Variants in CUX1 observed in about 807,000 individuals in gnomAD.
CUX1 encodes the protein protein CASP.
Under a neutral mutation model 158.8 loss-of-function variants are expected in CUX1, and 31 were observed. That is an observed-to-expected ratio of 0.20 (90% CI 0.15 to 0.26). The LOEUF (loss-of-function observed/expected upper bound fraction) is 0.26. CUX1 is among the 10% of genes least tolerant of loss of function. CUX1 has a pLI of 1.00. For missense variants in CUX1, 1,589 were observed against 2,014.6 expected (o/e 0.79, Z 4.04); for synonymous variants, 879 against 862.1 (o/e 1.02, Z -0.34).
At chr7:101,855,917 C>A (rs1796750661) in intron 1 of CUX1, among the ~76,000 whole-genome samples, 1 of 142,780 alleles carries the variant, frequency 7.0e-6, no homozygotes, top group Admixed American at 7.1e-5. Flanking sequence ...GCTGGTTTAG[C>A]GCCTGTAATC....
At chr7:102,059,962 C>A (rs886125126) in intron 3 of CUX1, among the ~76,000 whole-genome samples, 4 of 151,984 alleles carry the variant, frequency 2.6e-5, no homozygotes, top group Non-Finnish European at 5.9e-5. Context: ...TTGAATATGC[C>A]GTCTTCACTG....
chr7:102,222,958 C>T (rs188139393), intron 20 of CUX1, among the ~76,000 whole-genome samples: 28 of 150,970 alleles, frequency 1.9e-4, no homozygotes, highest in African/African-American at 6.3e-4. Flanking sequence ...TAGCTGGGCA[C>T]GCGCCTGGCT....
At chr7:101,834,165 CTTTTTTTTTTT>C (rs575992276) in intron 1 of CUX1, among the ~76,000 whole-genome samples, 13 of 71,092 alleles carry the variant, frequency 1.8e-4, no homozygotes, top group African/African-American at 4.0e-4. Flanking sequence ...CTGATTGTTT[CTTTTTTTTTTT>C]TTTTTTTTTT....
intron 1 of CUX1, among the ~76,000 whole-genome samples, chr7:101,905,833 G>A (rs1372775420): frequency 1.3e-5 from 2 of 152,064 alleles, no homozygotes; most frequent in African/African-American, 2.4e-5. Flanking sequence ...GCTTCTCCAC[G>A]TGCCCAGTAT....
upstream of CUX1, chr7:101,816,827 G>A (rs1208120452): frequency 2.8e-6 from 2 of 721,372 alleles, no homozygotes; most frequent in Non-Finnish European, 3.4e-6. Context: ...GCCCGCGCTC[G>A]CTACCCCCGG....
intron 1 of CUX1, among the ~76,000 whole-genome samples, chr7:101,900,339 C>T (rs1458110735): frequency 6.6e-6 from 1 of 152,214 alleles, no homozygotes; most frequent in East Asian, 1.9e-4. Context: ...CAGGAGGCAG[C>T]GAAGGAATCA....
At chr7:102,258,358 C>T (rs529655484), downstream of CUX1, 18 of 190,094 alleles carry the variant, frequency 9.5e-5, no homozygotes, top group African/African-American at 4.0e-4. Context: ...TGCACCTGTC[C>T]GCAGGTCCTC....
At chr7:102,190,525 G>A (rs1446799165) in intron 12 of CUX1, among the ~76,000 whole-genome samples, 1 of 152,106 alleles carries the variant, frequency 6.6e-6, no homozygotes, top group Non-Finnish European at 1.5e-5. Flanking sequence ...TGCAAGCCTG[G>A]AGCCTGTGGT....
intron 2 of CUX1, among the ~76,000 whole-genome samples, chr7:102,023,492 CAG>C (rs770073160): frequency 1.3e-5 from 2 of 152,156 alleles, no homozygotes; most frequent in Non-Finnish European, 2.9e-5. Context: ...TTTTTTGAGA[CAG>C]AGTCTCTCTC....
chr7:101,884,330 T>C (rs1235711070), intron 1 of CUX1, among the ~76,000 whole-genome samples: 3 of 152,236 alleles, frequency 2.0e-5, no homozygotes, highest in Admixed American at 6.5e-5. Flanking sequence ...TACAGTCTTA[T>C]TGATAATGTT....
intron 2 of CUX1, among the ~76,000 whole-genome samples, chr7:102,023,433 G>C (rs1009047307): frequency 1.3e-5 from 2 of 152,188 alleles, no homozygotes; most frequent in Admixed American, 1.3e-4. Context: ...ATCGTATCAT[G>C]TCCTTGCTAA....
rs144583077 is a variant in CUX1 at position 102,276,587 on chromosome 7, C to T, written c.1563+1228C>T. The stretch of plus-strand genomic sequence containing the variant: ...AAAGTGCTGGGATTACAGGCGTGAG[C>T]CACCGCGCTGGCCACTGCTTGAATT... On this transcript the variant is annotated intron_variant, in intron 17 of 22. Coordinates refer to the CUX1 transcript ENST00000292538. Among the ~76,000 whole-genome samples the T allele has an allele frequency of 1.2e-3, 187 of 152,340 alleles. 1 individual carries two copies. Among genetic ancestry groups the T allele is most frequent in the African/African-American group, 4.2e-3 (173 of 41,586 alleles).
chr7:102,153,074 G>A (rs1012847834), intron 8 of CUX1, among the ~76,000 whole-genome samples: 3 of 152,250 alleles, frequency 2.0e-5, no homozygotes, highest in Non-Finnish European at 4.4e-5. Context: ...GCGTCAGTGG[G>A]ACTGATTTTT....
intron 2 of CUX1, among the ~76,000 whole-genome samples, chr7:101,938,711 G>T (rs1406329666): frequency 1.3e-5 from 2 of 151,888 alleles, no homozygotes; most frequent in East Asian, 3.9e-4. Flanking sequence ...TTCGAGACCA[G>T]CCTGGCCAAC....
At position 102,258,035 on chromosome 7, in the gene CUX1, G is replaced by A; in HGVS notation, c.*8993G>A. On this transcript the variant is annotated 3_prime_UTR_variant, in exon 24 of 24. Coordinates refer to ENST00000292535, the MANE Select transcript of CUX1 (RefSeq NM_181552.4). ...CAAAGTTGACCTGGCTGGCGTGGGG[G>A]TGGGGGAGGCACCCGTCGGCCCCTT... The A allele has an allele frequency of 1.0e-6, 1 of 985,116 alleles. No homozygotes were observed. The highest frequency in any genetic ancestry group is 4.7e-5 in the South Asian group (1 of 21,276). 61.0% of individuals were successfully genotyped at this position (985,116 alleles called of 1,614,324 possible). A position where few individuals can be genotyped will look rare whatever the true frequency, so the allele number is the denominator to read the frequency against.
chr7:102,031,952 C>G (rs1411098471), intron 3 of CUX1, among the ~76,000 whole-genome samples: 1 of 146,140 alleles, frequency 6.8e-6, no homozygotes, highest in African/African-American at 2.5e-5. Context: ...GAGATGGGGT[C>G]TGGCTCTATC....
chr7:101,889,306 C>T (rs1415043338), intron 1 of CUX1, among the ~76,000 whole-genome samples: 1 of 148,858 alleles, frequency 6.7e-6, no homozygotes, highest in Non-Finnish European at 1.5e-5. Flanking sequence ...TCCCGAGGGT[C>T]TTTGGATAGT....
intron 1 of CUX1, among the ~76,000 whole-genome samples, chr7:101,874,801 C>A (rs1330173038): frequency 2.0e-5 from 3 of 152,182 alleles, no homozygotes; most frequent in Non-Finnish European, 4.4e-5. Flanking sequence ...GAGGGTACCA[C>A]GTGGTTGATA....
At chr7:101,990,354 C>T (rs952577133) in intron 2 of CUX1, among the ~76,000 whole-genome samples, 1 of 150,642 alleles carries the variant, frequency 6.6e-6, no homozygotes, top group Non-Finnish European at 1.5e-5. Context: ...AGAGCCAGAC[C>T]CCATCTCTTT....
Sources: gnomAD v4.1 joint callset for allele counts (sites outside exome capture counted in the v4.1 genomes callset) on GRCh38, gnomAD v4.1.1 for gene constraint, MANE v1.5 for transcripts, NCBI Gene and HGNC (gene_info 2026-07-23, HGNC 2026-07-21) for gene names.